The following AHCYL2 variants were observed in gnomAD, a reference collection of about 807,000 sequenced individuals.
AHCYL2 encodes the protein S-adenosylhomocysteine hydrolase-like protein 2.
In AHCYL2, 28 loss-of-function variants were observed where a neutral mutation model predicts 81.4. The observed-to-expected ratio is 0.34, with a 90% CI of 0.25 to 0.47. AHCYL2 has a LOEUF of 0.47. Among genes scored for constraint, AHCYL2 ranks in the 20% least tolerant of loss-of-function variants. The pLI, the probability that AHCYL2 is intolerant of heterozygous loss-of-function variation, is 1.00. For missense variants in AHCYL2, 551 were observed against 785.1 expected, an observed-to-expected ratio of 0.70 and a Z score of 3.56; for synonymous variants, 272 against 290.2, an observed-to-expected ratio of 0.94 and a Z score of 0.64.
At chr7:129,379,852 G>A (rs888058077) in intron 2 of AHCYL2, 103 bp downstream of exon 2, 2 of 800,088 alleles carry the variant, frequency 2.5e-6, no homozygotes, top group Non-Finnish European at 1.9e-6. Context: ...CCAAGACTGT[G>A]CTTTGAATAA....
intron 1 of AHCYL2, among the ~76,000 whole-genome samples, chr7:129,335,505 A>G (rs779632735): frequency 2.0e-5 from 3 of 152,122 alleles, no homozygotes; most frequent in Non-Finnish European, 4.4e-5. Flanking sequence ...GCTTAAAGTA[A>G]TCGTTTACTT....
chr7:129,348,402 C>A (rs11760275), intron 1 of AHCYL2, among the ~76,000 whole-genome samples: 67,615 of 149,568 alleles, frequency 0.45, 15,583 homozygotes, highest in Non-Finnish European at 0.48. Flanking sequence ...AACCCCCCCC[C>A]CACACACACA....
intron 1 of AHCYL2, among the ~76,000 whole-genome samples, chr7:129,302,662 T>G (rs565702454): frequency 6.6e-6 from 1 of 152,362 alleles, no homozygotes; most frequent in East Asian, 1.9e-4. Context: ...TGTATCACAT[T>G]GATTGATTGG....
At chr7:129,266,991 T>G (rs925440350) in intron 1 of AHCYL2, among the ~76,000 whole-genome samples, 1 of 152,118 alleles carries the variant, frequency 6.6e-6, no homozygotes, top group African/African-American at 2.4e-5. Context: ...AATATTTATG[T>G]TGTGGAGACA....
chr7:129,385,281 A>G (rs895795863), intron 2 of AHCYL2, among the ~76,000 whole-genome samples: 1 of 152,216 alleles, frequency 6.6e-6, no homozygotes, highest in Admixed American at 6.5e-5. Flanking sequence ...ACAGGTCCCT[A>G]CTGTTATTTC....
intron 1 of AHCYL2, among the ~76,000 whole-genome samples, chr7:129,243,977 T>C (rs1794958007): frequency 6.6e-6 from 1 of 151,730 alleles, no homozygotes; most frequent in Non-Finnish European, 1.5e-5. Flanking sequence ...TTTTATTTTA[T>C]TTATTATTTT....
chr7:129,276,736 CAAA>C lies in AHCYL2; in HGVS notation c.363+51310_363+51312del, dbSNP rs374792572. On this transcript the variant is annotated intron_variant, in intron 1 of 16. Coordinates refer to ENST00000325006, the MANE Select transcript of AHCYL2 (RefSeq NM_015328.4). ...TGCACTCCAGCCTGGGCAACTGTCT[CAAA>C]AAAAAAAAAAAAGAAAAAAACCACA... Among the ~76,000 whole-genome samples, 17 of 125,022 alleles carry C rather than the reference CAAA, an allele frequency of 1.4e-4. No homozygotes were observed. In the Admixed American group the frequency reaches 1.4e-3, roughly 10 times the overall value. 82.0% of individuals were successfully genotyped at this position (125,022 alleles called of 152,430 possible).
intron 1 of AHCYL2, chr7:129,351,627 C>T (rs550931235): frequency 6.6e-6 from 1 of 152,316 alleles, no homozygotes; most frequent in Admixed American, 6.5e-5. Context: ...GAAGACGTTT[C>T]TGAAGAGAAG....
intron 1 of AHCYL2, among the ~76,000 whole-genome samples, chr7:129,269,125 A>T (rs1174265916): frequency 3.7e-5 from 4 of 106,668 alleles, no homozygotes; most frequent in African/African-American, 6.6e-5. Context: ...TTCCTAAATG[A>T]TTCCTGTTTT....
chr7:129,288,354 TTTTAA>T (rs1309526335), intron 1 of AHCYL2, among the ~76,000 whole-genome samples: 5 of 152,196 alleles, frequency 3.3e-5, no homozygotes, highest in Non-Finnish European at 7.3e-5. Flanking sequence ...TTTGTATTTA[TTTTAA>T]TTTAATTTTA....
At chr7:129,366,331 C>T (rs1020198438) in intron 1 of AHCYL2, among the ~76,000 whole-genome samples, 6 of 152,284 alleles carry the variant, frequency 3.9e-5, no homozygotes, top group Admixed American at 1.3e-4. Flanking sequence ...GAATTCTGCC[C>T]TCTCTGGCAT....
chr7:129,281,024 T>C (rs1340232990), intron 1 of AHCYL2, among the ~76,000 whole-genome samples: 1 of 151,846 alleles, frequency 6.6e-6, no homozygotes, highest in Non-Finnish European at 1.5e-5. Flanking sequence ...CCACCATGCC[T>C]GGCTAATTTT....
intron 1 of AHCYL2, among the ~76,000 whole-genome samples, chr7:129,236,698 C>T (rs1382891235): frequency 6.6e-6 from 1 of 152,204 alleles, no homozygotes; most frequent in African/African-American, 2.4e-5. Context: ...TATCAGCTAA[C>T]GATACACGAA....
intron 1 of AHCYL2, among the ~76,000 whole-genome samples, chr7:129,357,060 C>T (rs187991666): frequency 1.2e-3 from 189 of 152,192 alleles, no homozygotes; most frequent in African/African-American, 4.4e-3. Context: ...ATCAAATCAA[C>T]GTATAGTGTT....
At chr7:129,283,473 C>T in intron 1 of AHCYL2, 1 of 455,288 alleles carries the variant, frequency 2.2e-6, no homozygotes, top group Middle Eastern at 3.3e-4. Context: ...AAATGGAAGT[C>T]CATTATTTTA....
chr7:129,237,315 C>T (rs751163686), intron 1 of AHCYL2, among the ~76,000 whole-genome samples: 2 of 152,144 alleles, frequency 1.3e-5, no homozygotes, highest in African/African-American at 2.4e-5. Context: ...TATGAGATAG[C>T]TCTATTTGTT....
rs1305760720 is a variant in AHCYL2, at chr7:129,426,376, T to A, written c.1709-67T>A. 4 of 1,613,044 alleles carry A rather than the reference T, an allele frequency of 2.5e-6. No individual in the cohort carries two copies. The African/African-American group carries it at 5.3e-5, about 22-fold the overall frequency. On this transcript the variant is annotated intron_variant, in intron 15 of 16. Transcript: ENST00000325006. The surrounding 1 kb of genome is among the most constrained non-coding windows in gnomAD (Gnocchi z 4.3). ...GTCTTTGAACTTTTTAAGGCCTAGC[T>A]TGGGGACAATAGCCATCAGATAAAA...
At chr7:129,296,184 A>T (rs1218654383) in intron 1 of AHCYL2, among the ~76,000 whole-genome samples, 6 of 152,218 alleles carry the variant, frequency 3.9e-5, no homozygotes, top group Admixed American at 2.6e-4. Flanking sequence ...TAAAATTCTT[A>T]TCACTATATT....
chr7:129,348,313 C>T (rs190172041), intron 1 of AHCYL2, among the ~76,000 whole-genome samples: 2 of 151,902 alleles, frequency 1.3e-5, no homozygotes, highest in African/African-American at 2.4e-5. Context: ...TGAAAGTCTT[C>T]AAGATAATGT....
Sources: allele counts gnomAD v4.1 joint callset (sites outside exome capture counted in the v4.1 genomes callset), GRCh38; gene constraint gnomAD v4.1.1; non-coding constraint Gnocchi (gnomAD v3.1); transcripts MANE v1.5; gene names NCBI Gene and HGNC (gene_info 2026-07-23, HGNC 2026-07-21).